Variants in LNP1 observed in about 807,000 individuals in gnomAD.
LNP1 encodes leukemia NUP98 fusion partner 1.
LNP1 carries 12 observed loss-of-function variants against 14.5 expected under a neutral mutation model. The observed-to-expected ratio is 0.83, with a 90% CI of 0.53 to 1.34. The LOEUF (loss-of-function observed/expected upper bound fraction) is 1.34, where lower values mean the gene tolerates loss of function less well. Among genes scored for constraint, LNP1 ranks in the 40% most tolerant of loss-of-function variants. The probability of loss-of-function intolerance (pLI) is 0.00; values close to 1 mark genes in which losing one functional copy is unlikely to be tolerated. For missense variants in LNP1, 198 were observed against 210.9 expected, an observed-to-expected ratio of 0.94 and a Z score of 0.38; for synonymous variants, 75 against 71.4, an observed-to-expected ratio of 1.05 and a Z score of -0.26.
chr3:100,418,339 T>C (rs1469796122), intron 1 of LNP1, among the ~76,000 whole-genome samples: 2 of 152,046 alleles, frequency 1.3e-5, no homozygotes, highest in South Asian at 4.1e-4. Flanking sequence ...ATTACAGGCA[T>C]GAGCCACCAT....
intron 1 of LNP1, among the ~76,000 whole-genome samples, chr3:100,417,495 C>T (rs1707097236): frequency 6.6e-6 from 1 of 150,504 alleles, no homozygotes; most frequent in Non-Finnish European, 1.5e-5. Flanking sequence ...CCTGCCTCAG[C>T]CTCCCAAGTA....
At chr3:100,455,062 A>AC (rs1362104150) in intron 3 of LNP1, among the ~76,000 whole-genome samples, 17 of 149,456 alleles carry the variant, frequency 1.1e-4, no homozygotes, top group Non-Finnish European at 1.9e-4. Flanking sequence ...TAAAGAAGCA[A>AC]CCCCCCCACC....
At chr3:100,406,668 G>A (rs1706970197) in intron 1 of LNP1, among the ~76,000 whole-genome samples, 1 of 152,104 alleles carries the variant, frequency 6.6e-6, no homozygotes, top group Admixed American at 6.5e-5. Context: ...CCAAGTAGCT[G>A]GAATTACAGG....
chr3:100,425,997 T>G (rs1707188921), intron 1 of LNP1, among the ~76,000 whole-genome samples: 1 of 152,154 alleles, frequency 6.6e-6, no homozygotes, highest in African/African-American at 2.4e-5. Flanking sequence ...TGAACACAAA[T>G]TAATAGCAGT....
intron 1 of LNP1, among the ~76,000 whole-genome samples, chr3:100,415,722 A>T (rs190412308): frequency 1.5e-4 from 23 of 152,336 alleles, no homozygotes; most frequent in African/African-American, 5.5e-4. Flanking sequence ...GAAATTACAT[A>T]AAAGCTTACC....
intron 1 of LNP1, among the ~76,000 whole-genome samples, chr3:100,416,617 G>A (rs1290100558): frequency 1.3e-5 from 2 of 149,992 alleles, no homozygotes; most frequent in Admixed American, 1.3e-4. Flanking sequence ...GTGTGTGTGT[G>A]TGTGTGTGTG....
chr3:100,432,865 A>C (rs1707255284), intron 2 of LNP1, among the ~76,000 whole-genome samples: 1 of 152,092 alleles, frequency 6.6e-6, no homozygotes, highest in Non-Finnish European at 1.5e-5. Flanking sequence ...CGTGGAAGGG[A>C]AGACTGTGCT....
Position 100,455,966 on chromosome 3 carries a change from T to C in LNP1, c.*40T>C, listed in dbSNP as rs1351873003. 1.3e-6 allele frequency: 2 copies of C among 1,570,610 alleles called. No individual in the cohort carries two copies. Among genetic ancestry groups the C allele is most frequent in the Admixed American group, 4.0e-5 (2 of 49,620 alleles). ...CTCATGACATCAGATGCTACTGTTT[T>C]GGTTTTTTTCTTTGAGCCCCAATTC... On this transcript the variant is annotated 3_prime_UTR_variant, in exon 4 of 4. Transcript: ENST00000383693.
intron 2 of LNP1, among the ~76,000 whole-genome samples, chr3:100,443,912 T>C (rs28785809): frequency 0.011 from 1,710 of 152,268 alleles, 23 homozygotes; most frequent in African/African-American, 0.039. Flanking sequence ...TTCATAGGAG[T>C]ATACTTTACT....
intron 2 of LNP1, among the ~76,000 whole-genome samples, chr3:100,432,359 A>G (rs868812249): frequency 3.3e-5 from 5 of 152,036 alleles, no homozygotes; most frequent in South Asian, 2.1e-4. Context: ...ACAAAACCAC[A>G]GTGATCAACA....
At chr3:100,404,258 C>G (rs1393179623) in intron 1 of LNP1, among the ~76,000 whole-genome samples, 1 of 152,172 alleles carries the variant, frequency 6.6e-6, no homozygotes, top group Non-Finnish European at 1.5e-5. Context: ...TTATTCTCTC[C>G]TTGAAATGTT....
intron 2 of LNP1, among the ~76,000 whole-genome samples, chr3:100,446,438 C>T (rs568405302): frequency 6.6e-6 from 1 of 152,122 alleles, no homozygotes; most frequent in Non-Finnish European, 1.5e-5. Context: ...ACACCTTATA[C>T]AAAAATTAAT....
intron 2 of LNP1, among the ~76,000 whole-genome samples, chr3:100,438,714 GGA>G (rs532809723): frequency 5.5e-4 from 83 of 152,222 alleles, no homozygotes; most frequent in Middle Eastern, 3.4e-3. Flanking sequence ...CATGCTGTTT[GGA>G]GCACTCTAAT....
At chr3:100,439,699 C>T (rs190535826) in intron 2 of LNP1, among the ~76,000 whole-genome samples, 5 of 152,192 alleles carry the variant, frequency 3.3e-5, no homozygotes, top group East Asian at 3.9e-4. Context: ...TAGCCAAGGA[C>T]GTAGGCACAT....
chr3:100,416,609 G>T (rs1215145712), intron 1 of LNP1, among the ~76,000 whole-genome samples: 1 of 148,492 alleles, frequency 6.7e-6, no homozygotes, highest in Admixed American at 6.7e-5. Context: ...TTGTGTGTGT[G>T]TGTGTGTGTG....
chr3:100,412,349 T>C (rs1230934862), intron 1 of LNP1, among the ~76,000 whole-genome samples: 1 of 152,208 alleles, frequency 6.6e-6, no homozygotes, highest in Non-Finnish European at 1.5e-5. Flanking sequence ...CACCTTCCAT[T>C]AGGCACCACC....
At chr3:100,416,307 CA>C (rs1352865102) in intron 1 of LNP1, among the ~76,000 whole-genome samples, 3 of 152,204 alleles carry the variant, frequency 2.0e-5, no homozygotes, top group Non-Finnish European at 4.4e-5. Context: ...CCCTAGTTGT[CA>C]TTCATAGTTT....
chr3:100,442,283 T>C (rs1435768622), intron 2 of LNP1, among the ~76,000 whole-genome samples: 1 of 152,118 alleles, frequency 6.6e-6, no homozygotes, highest in African/African-American at 2.4e-5. Flanking sequence ...GTCTTACTGA[T>C]CAAGAAGATG....
intron 1 of LNP1, among the ~76,000 whole-genome samples, chr3:100,416,180 A>T (rs1478912746): frequency 6.6e-6 from 1 of 152,074 alleles, no homozygotes; most frequent in African/African-American, 2.4e-5. Context: ...GCAATATTCT[A>T]ATTCTTTTCT....
Sources: allele counts gnomAD v4.1 joint callset (sites outside exome capture counted in the v4.1 genomes callset), GRCh38; gene constraint gnomAD v4.1.1; transcripts MANE v1.5; gene names NCBI Gene and HGNC (gene_info 2026-07-23, HGNC 2026-07-21).